CD28: variants seen among roughly 807,000 people sequenced by gnomAD.
The protein encoded by CD28 is CD28 molecule, also known as T-cell-specific surface glycoprotein CD28.
In CD28, 8 loss-of-function variants were observed where a neutral mutation model predicts 21.4. That is an observed-to-expected ratio of 0.37 (90% CI 0.22 to 0.68). The LOEUF is 0.68. Among genes scored for constraint, CD28 ranks in the 30% least tolerant of loss-of-function variants. The pLI is 0.55. For synonymous variants in CD28, 106 were observed against 104.0 expected, an observed-to-expected ratio of 1.02 and a Z score of -0.12; for missense variants, 239 against 272.2, an observed-to-expected ratio of 0.88 and a Z score of 0.86.
At position 203,726,963 on chromosome 2, in the gene CD28, G is replaced by C; in HGVS notation, c.383G>C (p.Ser128Thr). ...YPPPYLDNEK[S>T]NGTIIHVKGK... ...CCTCCTTACCTAGACAATGAGAAGAGCAATGGAACCATTATCCATGTGAAA... is the reference window on the plus strand; with the variant it reads ...CCTCCTTACCTAGACAATGAGAAGACCAATGGAACCATTATCCATGTGAAA... The change falls in exon 2 of 4, where the codon AGC (serine) becomes ACC (threonine). Residue 128 changes from serine (S) to threonine (T), a missense_variant. Physicochemically the swap from Ser to Thr is moderately conservative, Grantham distance 58. Around this residue, in one of 3 missense-constraint regions of CD28, gnomAD observed 23 missense variants for 50.9 expected, o/e 0.45. Coordinates refer to ENST00000324106, the MANE Select transcript of CD28 (RefSeq NM_006139.4). 2 of 1,600,450 alleles carry C rather than the reference G, an allele frequency of 1.2e-6. No homozygotes were observed. Among genetic ancestry groups the C allele is most frequent in the Non-Finnish European group, 1.7e-6 (2 of 1,167,650 alleles).
rs202066034 is a variant in CD28, at chr2:203,736,902, A to G, written c.*1990A>G. ...CATTTAGTAGCATGCCCGACATACAATGTTAGCTATTGGTATTATTGCCAT... is the reference window on the plus strand; with the variant it reads ...CATTTAGTAGCATGCCCGACATACAGTGTTAGCTATTGGTATTATTGCCAT... On this transcript the variant is annotated 3_prime_UTR_variant, in exon 4 of 4. Transcript: ENST00000324106. 6.6e-6 allele frequency: 1 copy of G among 152,216 alleles called. No homozygotes were observed. Among genetic ancestry groups the G allele is most frequent in the Non-Finnish European group, 1.5e-5 (1 of 68,038 alleles). 9.4% of individuals were successfully genotyped at this position (152,216 alleles called of 1,614,324 possible).
At chr2:203,730,635 TAAAAGACTATTTCTCTTGATAGTCTCC>T (rs1286428491) in intron 3 of CD28, among the ~76,000 whole-genome samples, 3 of 152,212 alleles carry the variant, frequency 2.0e-5, no homozygotes, top group Non-Finnish European at 4.4e-5. Flanking sequence ...TTCTCAAACA[TAAAAGACTATTTCTCTTGATAGTCTCC>T]AAAAGACTAT....
intron 1 of CD28, among the ~76,000 whole-genome samples, chr2:203,708,479 T>C (rs866562949): frequency 2.0e-5 from 3 of 152,270 alleles, no homozygotes; most frequent in African/African-American, 7.2e-5. Flanking sequence ...AATTGGTAAT[T>C]GTACACTAAA....
chr2:203,710,939 C>G (rs1286898764), intron 1 of CD28, among the ~76,000 whole-genome samples: 1 of 152,130 alleles, frequency 6.6e-6, no homozygotes, highest in African/African-American at 2.4e-5. Context: ...TGGAACTTCA[C>G]AGAGGCTGGA....
chr2:203,724,480 G>A (rs765329490), intron 1 of CD28, among the ~76,000 whole-genome samples: 2 of 152,144 alleles, frequency 1.3e-5, no homozygotes, highest in East Asian at 3.8e-4. Flanking sequence ...CAGAATTTCC[G>A]GAAGTGGGAG....
At chr2:203,726,501 G>A (rs1693752210) in intron 1 of CD28, 132 bp from the exon 2 acceptor site, 1 of 655,160 alleles carries the variant, frequency 1.5e-6, no homozygotes, top group South Asian at 1.9e-5. Context: ...CCCTGAAGAG[G>A]TCCTACATCT....
intron 1 of CD28, among the ~76,000 whole-genome samples, chr2:203,724,288 T>A (rs912540972): frequency 1.3e-5 from 2 of 152,194 alleles, no homozygotes; most frequent in African/African-American, 4.8e-5. Context: ...AATGAAAATG[T>A]TCTGGAATCA....
intron 1 of CD28, among the ~76,000 whole-genome samples, chr2:203,710,624 T>C (rs371765859): frequency 8.5e-5 from 13 of 152,218 alleles, no homozygotes; most frequent in East Asian, 3.8e-4. Context: ...GATATCTTCC[T>C]CCAAGTATTT....
chr2:203,722,310 G>T (rs1693624694), intron 1 of CD28, among the ~76,000 whole-genome samples: 1 of 152,062 alleles, frequency 6.6e-6, no homozygotes, highest in African/African-American at 2.4e-5. Flanking sequence ...AGTAAAAAAA[G>T]GAAACAAACA....
At chr2:203,715,767 G>A (rs919492292) in intron 1 of CD28, among the ~76,000 whole-genome samples, 1 of 152,066 alleles carries the variant, frequency 6.6e-6, no homozygotes, top group African/African-American at 2.4e-5. Flanking sequence ...TTTTGTCAAT[G>A]GTGCCTCCAC....
chr2:203,738,395 G>A lies in CD28; in HGVS notation c.*3483G>A, dbSNP rs1694099003. 1 of 152,144 alleles carries A rather than the reference G, an allele frequency of 6.6e-6. No individual in the cohort carries two copies. The highest frequency in any genetic ancestry group is 2.4e-5 in the African/African-American group (1 of 41,406). The allele number at this position is 152,144 out of a possible 1,614,324, so 9.4% of individuals were successfully genotyped here. On this transcript the variant is annotated 3_prime_UTR_variant, in exon 4 of 4. Coordinates refer to ENST00000324106, the MANE Select transcript of CD28 (RefSeq NM_006139.4). ...AGAGATGGTGCCAATAAAGGACCCA[G>A]AACCAGGATCTTGATTGCTATAGAC...
At chr2:203,731,721 G>A (rs540257171) in intron 3 of CD28, among the ~76,000 whole-genome samples, 6 of 152,290 alleles carry the variant, frequency 3.9e-5, no homozygotes, top group East Asian at 1.9e-4. Flanking sequence ...AATTTAAACC[G>A]TTCACTTTCA....
intron 1 of CD28, among the ~76,000 whole-genome samples, chr2:203,718,570 C>A (rs1693524327): frequency 6.6e-6 from 1 of 152,156 alleles, no homozygotes; most frequent in South Asian, 2.1e-4. Context: ...AATCTTACAA[C>A]CTGATTTTTC....
rs1693766136 is a variant in CD28 at position 203,726,814 on chromosome 2, T to G, written c.234T>G (p.Val78=). Residue 78 remains valine, a synonymous_variant, in exon 2 of 4, where the codon GTT becomes GTG. Transcript: ENST00000324106. The part of the protein sequence containing the change: ...VYGNYSQQLQ[V]YSKTGFNCDG... The stretch of plus-strand genomic sequence containing the variant: ...GGAATTACTCCCAGCAGCTTCAGGT[T>G]TACTCAAAAACGGGGTTCAACTGTG... The G allele has an allele frequency of 1.9e-6, 3 of 1,614,182 alleles. No homozygotes were observed. In the East Asian group the frequency reaches 6.7e-5, roughly 36 times the overall value.
At chr2:203,715,476 G>T (rs1049279300) in intron 1 of CD28, among the ~76,000 whole-genome samples, 3 of 152,034 alleles carry the variant, frequency 2.0e-5, no homozygotes, top group Non-Finnish European at 4.4e-5. Context: ...GTAGGGATTG[G>T]GTCACACTGC....
chr2:203,706,565 GA>G (rs769766350), upstream of CD28: 40 of 1,579,978 alleles, frequency 2.5e-5, no homozygotes, highest in East Asian at 8.3e-4. Flanking sequence ...GCCCTAAGGG[GA>G]TGGTGGCGGT....
At chr2:203,715,465 G>A (rs1693439418) in intron 1 of CD28, among the ~76,000 whole-genome samples, 1 of 152,052 alleles carries the variant, frequency 6.6e-6, no homozygotes. Flanking sequence ...ACCTGTGAAC[G>A]GTAGGGATTG....
At chr2:203,707,146 T>A (rs1276765013) in intron 1 of CD28, among the ~76,000 whole-genome samples, 1 of 152,034 alleles carries the variant, frequency 6.6e-6, no homozygotes, top group Non-Finnish European at 1.5e-5. Flanking sequence ...GCCCGGCCAA[T>A]AATTTTTAAT....
Position 203,726,633 on chromosome 2 carries a change from G to T in CD28, c.53G>T (p.Gly18Val). 1.9e-6 allele frequency: 3 copies of T among 1,591,202 alleles called. No individual in the cohort carries two copies. The highest frequency in any genetic ancestry group is 1.4e-5 in the African/African-American group (1 of 73,624). ...LNLFPSIQVT[G>V]NKILVKQSPM... The stretch of plus-strand genomic sequence containing the variant: ...AGCAAATGATTTTTTTTTCCCCCAG[G>T]AAACAAGATTTTGGTGAAGCAGTCG... The change falls in exon 2 of 4, where the codon GGA becomes GTA. Residue 18 changes from glycine (G) to valine (V), a missense_variant and splice_region_variant. Gly to Val is a moderately radical substitution (Grantham distance 109). Around this residue, in one of 3 missense-constraint regions of CD28, gnomAD observed 104 missense variants for 108.5 expected, o/e 0.96. Transcript: ENST00000324106.
Sources: gnomAD v4.1 joint callset for allele counts (sites outside exome capture counted in the v4.1 genomes callset) on GRCh38, gnomAD v4.1.1 for gene constraint, gnomAD v4.1.1 regional missense constraint, MANE v1.5 for transcripts, NCBI Gene and HGNC (gene_info 2026-07-23, HGNC 2026-07-21) for gene names.